Variants in PTPRK observed in about 807,000 individuals in gnomAD.
PTPRK encodes protein tyrosine phosphatase receptor type K, also known as receptor-type tyrosine-protein phosphatase kappa.
PTPRK carries 75 observed loss-of-function variants against 178.0 expected under a neutral mutation model. The ratio of observed to expected loss-of-function variants is 0.42; its 90% CI spans 0.35 to 0.51. The LOEUF (loss-of-function observed/expected upper bound fraction) is 0.51, where lower values mean the gene tolerates loss of function less well. Among genes scored for constraint, PTPRK ranks in the 20% least tolerant of loss-of-function variants. The probability of loss-of-function intolerance (pLI) is 0.02; values close to 1 mark genes in which losing one functional copy is unlikely to be tolerated. For missense variants in PTPRK, 1,441 were observed against 1,797.8 expected, an observed-to-expected ratio of 0.80 and a Z score of 3.59; for synonymous variants, 637 against 620.6, an observed-to-expected ratio of 1.03 and a Z score of -0.39.
At chr6:128,160,795 T>G (rs1034765776) in intron 7 of PTPRK, among the ~76,000 whole-genome samples, 9 of 151,444 alleles carry the variant, frequency 5.9e-5, no homozygotes, top group Non-Finnish European at 1.2e-4. Flanking sequence ...TATTGACAAA[T>G]AAAAACATTA....
intron 13 of PTPRK, among the ~76,000 whole-genome samples, chr6:128,018,631 T>C (rs1477618608): frequency 6.6e-6 from 1 of 152,046 alleles, no homozygotes; most frequent in African/African-American, 2.4e-5. Flanking sequence ...ACCTTCTAGA[T>C]TGACTCAAAG....
intron 1 of PTPRK, among the ~76,000 whole-genome samples, chr6:128,418,597 A>G (rs1368863142): frequency 6.6e-6 from 1 of 151,880 alleles, no homozygotes; most frequent in African/African-American, 2.4e-5. Flanking sequence ...CCAATCCCTC[A>G]CCCTCATCTG....
intron 13 of PTPRK, among the ~76,000 whole-genome samples, chr6:128,019,958 G>A (rs1472052838): frequency 6.6e-6 from 1 of 152,102 alleles, no homozygotes; most frequent in East Asian, 1.9e-4. Context: ...TAAGTACCTT[G>A]TCTATGTAGT....
chr6:128,450,119 C>CAAA (rs546499574), intron 1 of PTPRK, among the ~76,000 whole-genome samples: 4 of 90,606 alleles, frequency 4.4e-5, no homozygotes, highest in Non-Finnish European at 4.8e-5. Flanking sequence ...CGCATCTCAA[C>CAAA]AAAAAAAAAA....
At chr6:128,327,490 C>T (rs774846280) in intron 2 of PTPRK, among the ~76,000 whole-genome samples, 1 of 152,122 alleles carries the variant, frequency 6.6e-6, no homozygotes, top group Non-Finnish European at 1.5e-5. Flanking sequence ...CCACCTTCTC[C>T]AGTCTGACAG....
intron 11 of PTPRK, among the ~76,000 whole-genome samples, chr6:128,073,463 T>C (rs562700123): frequency 5.9e-5 from 9 of 152,006 alleles, no homozygotes; most frequent in Non-Finnish European, 1.3e-4. Flanking sequence ...AAAGTATCCG[T>C]TGGGCAGAAA....
intron 15 of PTPRK, chr6:128,003,080 C>T: frequency 2.1e-6 from 2 of 945,114 alleles, no homozygotes; most frequent in South Asian, 1.5e-5. Flanking sequence ...AATACCATGG[C>T]TGTCTATTTT....
chr6:128,107,044 T>C (rs931729384), intron 7 of PTPRK, among the ~76,000 whole-genome samples: 1 of 152,116 alleles, frequency 6.6e-6, no homozygotes, highest in Non-Finnish European at 1.5e-5. Context: ...GTTCTGAAAT[T>C]AGAATGATTT....
chr6:128,042,326 A>T (rs1048393636), intron 13 of PTPRK, among the ~76,000 whole-genome samples: 4 of 152,112 alleles, frequency 2.6e-5, no homozygotes, highest in African/African-American at 9.7e-5. Context: ...TTAAAACAAC[A>T]CAAATTTATA....
chr6:128,217,923 C>T (rs1809645227), intron 6 of PTPRK, among the ~76,000 whole-genome samples: 1 of 152,184 alleles, frequency 6.6e-6, no homozygotes, highest in Non-Finnish European at 1.5e-5. Flanking sequence ...CGATTATTTT[C>T]ATTTGTGTCA....
intron 7 of PTPRK, among the ~76,000 whole-genome samples, chr6:128,117,387 C>A (rs977229570): frequency 1.3e-5 from 2 of 152,018 alleles, no homozygotes; most frequent in African/African-American, 2.4e-5. Context: ...AACAATGGGG[C>A]AAATCAAATT....
intron 7 of PTPRK, among the ~76,000 whole-genome samples, chr6:128,182,973 A>C (rs1318027223): frequency 6.6e-6 from 1 of 152,196 alleles, no homozygotes; most frequent in Non-Finnish European, 1.5e-5. Context: ...GGAAGTCAAG[A>C]GGGAAATCAC....
chr6:128,078,932 A>C lies in PTPRK; in HGVS notation c.1778-14T>G. Reference sequence around the variant, plus strand: ...GTAAAGTTGGAGCTGATGAGTGATTAATGAGATAAAAAAGGTTCAATTAAT... The same window carrying C: ...GTAAAGTTGGAGCTGATGAGTGATTCATGAGATAAAAAAGGTTCAATTAAT... On this transcript the variant is annotated splice_polypyrimidine_tract_variant and intron_variant, in intron 10 of 29. Coordinates refer to ENST00000368226, the MANE Select transcript of PTPRK (RefSeq NM_002844.4). 1 of 1,532,460 alleles carries C rather than the reference A, an allele frequency of 6.5e-7. No individual in the cohort carries two copies. Among genetic ancestry groups the C allele is most frequent in the Non-Finnish European group, 9.0e-7 (1 of 1,106,794 alleles). 94.9% of individuals were successfully genotyped at this position (1,532,460 alleles called of 1,614,324 possible). A position where few individuals can be genotyped will look rare whatever the true frequency, so the allele number is the denominator to read the frequency against.
chr6:128,247,854 C>T (rs72967007), intron 3 of PTPRK, among the ~76,000 whole-genome samples: 2 of 152,262 alleles, frequency 1.3e-5, no homozygotes, highest in Non-Finnish European at 2.9e-5. Context: ...CTTCTCCCTC[C>T]ACTAAAAACC....
chr6:128,257,532 G>A (rs930988310), intron 3 of PTPRK, among the ~76,000 whole-genome samples: 4 of 152,014 alleles, frequency 2.6e-5, no homozygotes, highest in East Asian at 1.9e-4. Context: ...GCATACCTAC[G>A]TGTACAATAA....
intron 1 of PTPRK, among the ~76,000 whole-genome samples, chr6:128,427,209 A>T (rs1456958225): frequency 2.0e-5 from 3 of 152,152 alleles, no homozygotes; most frequent in Admixed American, 1.3e-4. Context: ...CTTAACCCTC[A>T]CAATTCTTTA....
At chr6:128,157,150 C>T (rs1798054976) in intron 7 of PTPRK, among the ~76,000 whole-genome samples, 1 of 151,978 alleles carries the variant, frequency 6.6e-6, no homozygotes, top group Non-Finnish European at 1.5e-5. Context: ...TTCAGGGAGA[C>T]TAATGTGTCT....
intron 1 of PTPRK, among the ~76,000 whole-genome samples, chr6:128,420,467 C>T (rs1562485415): frequency 6.6e-6 from 1 of 152,122 alleles, no homozygotes; most frequent in Non-Finnish European, 1.5e-5. Context: ...CCCACTAAAT[C>T]CTAGACCTTA....
chr6:127,983,503 T>C, intron 22 of PTPRK, 126 bp from the exon 23 acceptor site: 1 of 943,418 alleles, frequency 1.1e-6, no homozygotes, highest in Non-Finnish European at 1.6e-6. Flanking sequence ...GGCACAGCAC[T>C]TGTCCCTGCT....
Sources: gnomAD v4.1 joint callset for allele counts (sites outside exome capture counted in the v4.1 genomes callset) on GRCh38, gnomAD v4.1.1 for gene constraint, MANE v1.5 for transcripts, NCBI Gene and HGNC (gene_info 2026-07-23, HGNC 2026-07-21) for gene names.